Variants in TRPM2 observed in about 807,000 individuals in gnomAD.
The protein encoded by TRPM2 is transient receptor potential cation channel subfamily M member 2.
In TRPM2, 161 loss-of-function variants were observed where a neutral mutation model predicts 174.0. The observed-to-expected ratio is 0.93, with a 90% CI of 0.81 to 1.05. TRPM2 has a LOEUF of 1.05. Ranked by LOEUF, TRPM2 falls within the 50% of genes least tolerant of loss-of-function variation. The pLI, the probability that TRPM2 is intolerant of heterozygous loss-of-function variation, is 0.00. For synonymous variants in TRPM2, 954 were observed against 861.3 expected, an observed-to-expected ratio of 1.11 and a Z score of -1.88; for missense variants, 2,057 against 2,038.0, an observed-to-expected ratio of 1.01 and a Z score of -0.18.
chr21:44,404,426 T>A (rs1167080146), intron 16 of TRPM2, among the ~76,000 whole-genome samples: 1 of 152,096 alleles, frequency 6.6e-6, no homozygotes, highest in Admixed American at 6.6e-5. Flanking sequence ...TATACACACA[T>A]ACATGCAGAA....
intron 5 of TRPM2, among the ~76,000 whole-genome samples, chr21:44,374,015 CT>C (rs1015267813): frequency 1.8e-3 from 254 of 144,992 alleles, no homozygotes; most frequent in Non-Finnish European, 1.5e-3. Context: ...CTCTCTCTCT[CT>C]TTTTTTTTTT....
At chr21:44,437,000 C>T (rs1043077034) in intron 28 of TRPM2, 62 bp from the exon 29 acceptor site, 75 of 1,471,002 alleles carry the variant, frequency 5.1e-5, no homozygotes, top group Admixed American at 2.2e-4. Flanking sequence ...AGCCCCGCCG[C>T]GGCGCAGGGG....
chr21:44,358,808 G>T (rs935070805), intron 2 of TRPM2, among the ~76,000 whole-genome samples: 1 of 152,158 alleles, frequency 6.6e-6, no homozygotes, highest in Non-Finnish European at 1.5e-5. Context: ...CTTCCCGGGG[G>T]TCTTGGTCTC....
At chr21:44,360,568 CT>C (rs34605236) in intron 2 of TRPM2, among the ~76,000 whole-genome samples, 100,282 of 130,490 alleles carry the variant, frequency 0.77, 37,989 homozygotes, top group Middle Eastern at 0.86. Flanking sequence ...AGTTTTATGT[CT>C]TTTTTTTTTT....
chr21:44,395,414 G>A lies in TRPM2; in HGVS notation c.1795G>A (p.Val599Met). The A allele has an allele frequency of 6.2e-7, 1 of 1,612,566 alleles. No homozygotes were observed. The highest frequency in any genetic ancestry group is 1.1e-5 in the South Asian group (1 of 91,082). The change falls in exon 12 of 32, where the codon GTG becomes ATG. Residue 599 changes from valine (V) to methionine (M), a missense_variant and splice_region_variant. Transcript: ENST00000397928. ...LLPVPHVKLN[V>M]QGVSLRSLYK... Reference sequence around the variant, plus strand: ...GCTCTGACAGTTCACTGCTCACCAGGTGCAGGGAGTGAGCCTCCGGTCCCT... The same window carrying A: ...GCTCTGACAGTTCACTGCTCACCAGATGCAGGGAGTGAGCCTCCGGTCCCT...
At chr21:44,423,455 C>T (rs1601228187) in intron 22 of TRPM2, 190 bp from the exon 23 acceptor site, 1 of 578,328 alleles carries the variant, frequency 1.7e-6, no homozygotes, top group South Asian at 1.9e-5. Context: ...AGACATCTTC[C>T]CCTCTGGGGC....
At position 44,439,920 on chromosome 21, in the gene TRPM2, G is replaced by T. The variant is rs145172317; in HGVS notation, c.4269+752G>T. ...GTATTTTTAGTAGAGACAGGGTTTG[G>T]CCATGTTGCCCAGGCTGGTCATGAA... On this transcript the variant is annotated intron_variant, in intron 30 of 31. Transcript: ENST00000397928. This position sits in a 1 kb window ranked among gnomAD's most constrained non-coding sequence, Gnocchi z 5.1. Among the ~76,000 whole-genome samples, 6 of 152,064 alleles carry T rather than the reference G, an allele frequency of 3.9e-5. No individual in the cohort carries two copies. The East Asian group carries it at 1.2e-3, about 30-fold the overall frequency.
Position 44,418,152 on chromosome 21 carries a change from G to C in TRPM2, c.3328+44G>C. The stretch of plus-strand genomic sequence containing the variant: ...CTCTCCTGAATGTCCTGGCCACCCG[G>C]GTGCAGAGGGGGTGGAGATGGCATG... On this transcript the variant is annotated intron_variant, in intron 21 of 31. Coordinates refer to ENST00000397928, the MANE Select transcript of TRPM2 (RefSeq NM_003307.4). 2 of 1,576,740 alleles carry C rather than the reference G, an allele frequency of 1.3e-6. 1 individual carries two copies. Among genetic ancestry groups the C allele is most frequent in the South Asian group, 2.3e-5 (2 of 87,446 alleles).
At chr21:44,434,602 A>C (rs1303020799) in intron 27 of TRPM2, among the ~76,000 whole-genome samples, 1 of 152,106 alleles carries the variant, frequency 6.6e-6, no homozygotes, top group Non-Finnish European at 1.5e-5. Flanking sequence ...CAGGGAGACC[A>C]GCCTGGCCCC....
Position 44,391,245 on chromosome 21 carries a change from C to A in TRPM2, c.1441-27C>A. ...GACATGGGGTGATGACCAAATGCAA[C>A]CGTCACTGCACAATGCTTGCTCTCA... On this transcript the variant is annotated intron_variant, in intron 10 of 31. Transcript: ENST00000397928. The surrounding 1 kb of genome is among the most constrained non-coding windows in gnomAD (Gnocchi z 5.0). 6.3e-7 allele frequency: 1 copy of A among 1,591,254 alleles called. No individual in the cohort carries two copies.
Position 44,436,228 on chromosome 21 carries a change from G to A in TRPM2, c.4062-834G>A, listed in dbSNP as rs530457420. Among the ~76,000 whole-genome samples the A allele has an allele frequency of 1.2e-4, 18 of 152,312 alleles. No individual in the cohort carries two copies. In the South Asian group the frequency reaches 3.7e-3, roughly 32 times the overall value. ...TGCGTCCCTGAGGAAGCTGCCGGGG[G>A]CTCTTGCTGCCCCCATTGGGCAGGA... is the stretch of plus-strand genomic sequence containing the variant. On this transcript the variant is annotated intron_variant, in intron 28 of 31. Transcript: ENST00000397928.
Position 44,391,419 on chromosome 21 carries a change from T to C in TRPM2, c.1588T>C (p.Cys530Arg), listed in dbSNP as rs1306836707. 6.2e-7 allele frequency: 1 copy of C among 1,614,062 alleles called. No homozygotes were observed. ...LYLYENLDPS[C>R]LFHSKLQKVL... is the part of the protein sequence containing the mutation. The stretch of plus-strand genomic sequence containing the variant: ...CCTGTACGAGAACCTGGACCCCTCC[T>C]GCCTGTTCCACAGCAAGCTGCAGAA... Residue 530 changes from cysteine (C) to arginine (R), a missense_variant, in exon 11 of 32, where the codon TGC becomes CGC. By Grantham distance (180) the Cys-to-Arg change is radical. Coordinates refer to ENST00000397928, the MANE Select transcript of TRPM2 (RefSeq NM_003307.4). This position sits in a 1 kb window ranked among gnomAD's most constrained non-coding sequence, Gnocchi z 5.0.
chr21:44,399,552 T>C lies in TRPM2; in HGVS notation c.2208+111T>C. 1 of 1,414,010 alleles carries C rather than the reference T, an allele frequency of 7.1e-7. No individual in the cohort carries two copies. The highest frequency in any genetic ancestry group is 1.4e-5 in the African/African-American group (1 of 69,384). 87.6% of individuals were successfully genotyped at this position (1,414,010 alleles called of 1,614,324 possible). A position where few individuals can be genotyped will look rare whatever the true frequency, so the allele number is the denominator to read the frequency against. On this transcript the variant is annotated intron_variant, in intron 14 of 31. Transcript: ENST00000397928. The surrounding 1 kb of genome is among the most constrained non-coding windows in gnomAD (Gnocchi z 4.6). ...CACACTCACACAGGCTTCAGGGCCC[T>C]CAGCAGCTCGGGGACAGCGCCTGAC... is the stretch of plus-strand genomic sequence containing the variant.
Position 44,418,109 on chromosome 21 carries a change from G to T in TRPM2, c.3328+1G>T. ...CCGGCCAAGAGGCACAAGCAGCTCA[G>T]TATGCCAGCCCCAGTGCCTCTCCTG... On this transcript the variant is annotated splice_donor_variant, in intron 21 of 31. Coordinates refer to ENST00000397928, the MANE Select transcript of TRPM2 (RefSeq NM_003307.4). LOFTEE classifies it high-confidence loss of function. 1 of 1,608,578 alleles carries T rather than the reference G, an allele frequency of 6.2e-7. No homozygotes were observed. Among genetic ancestry groups the T allele is most frequent in the Non-Finnish European group, 8.5e-7 (1 of 1,177,520 alleles).
chr21:44,406,189 C>A, intron 18 of TRPM2, 152 bp downstream of exon 18: 1 of 995,088 alleles, frequency 1.0e-6, no homozygotes, highest in Non-Finnish European at 1.5e-6. Flanking sequence ...CAAGAATGCC[C>A]TTCTCGTATC....
intron 27 of TRPM2, among the ~76,000 whole-genome samples, chr21:44,429,362 A>G (rs1401646932): frequency 2.3e-5 from 3 of 127,774 alleles, no homozygotes; most frequent in Non-Finnish European, 4.6e-5. Context: ...ATCTTGGCTC[A>G]CTACAACCTC....
chr21:44,391,454 G>C lies in TRPM2; in HGVS notation c.1623G>C (p.Val541=), dbSNP rs2049170624. ...ACAGCAAGCTGCAGAAGGTGCTGGT[G>C]GAGGATCCCGAGCGCCCGGCTTGCG... ...LFHSKLQKVL[V]EDPERPACAP... The change falls in exon 11 of 32, where the codon GTG becomes GTC. Residue 541 remains valine, a synonymous_variant. Transcript: ENST00000397928. This position sits in a 1 kb window ranked among gnomAD's most constrained non-coding sequence, Gnocchi z 5.0. 6.2e-7 allele frequency: 1 copy of C among 1,613,518 alleles called. No individual in the cohort carries two copies. Among genetic ancestry groups the C allele is most frequent in the Admixed American group, 1.7e-5 (1 of 60,028 alleles).
At position 44,379,144 on chromosome 21, in the gene TRPM2, CAGG is replaced by C; in HGVS notation, c.1165_1167del (p.Glu389del). ...CCAGCAGAAACTGAGCGTGTTCTTC[CAGG>C]AGATGTTTGAGACCTTCACGGAAAG... On this transcript the variant is annotated inframe_deletion, in exon 8 of 32. Transcript: ENST00000397928. 2 of 1,613,634 alleles carry C rather than the reference CAGG, an allele frequency of 1.2e-6. No homozygotes were observed. Among genetic ancestry groups the C allele is most frequent in the South Asian group, 1.1e-5 (1 of 91,080 alleles).
chr21:44,425,103 C>A, intron 24 of TRPM2, 164 bp downstream of exon 24: 1 of 640,208 alleles, frequency 1.6e-6, no homozygotes, highest in Non-Finnish European at 2.6e-6. Flanking sequence ...GAACTCAGCC[C>A]ACCCACCGAC....
Sources: allele counts gnomAD v4.1 joint callset (sites outside exome capture counted in the v4.1 genomes callset), GRCh38; gene constraint gnomAD v4.1.1; non-coding constraint Gnocchi (gnomAD v3.1); transcripts MANE v1.5; gene names NCBI Gene and HGNC (gene_info 2026-07-23, HGNC 2026-07-21).